The following USH2A variants were observed in gnomAD, a reference collection of about 807,000 sequenced individuals.
USH2A encodes Usher syndrome 2A (autosomal recessive, mild).
In USH2A, 443 loss-of-function variants were observed where a neutral mutation model predicts 538.9. That is an observed-to-expected ratio of 0.82 (90% CI 0.76 to 0.89). The LOEUF is 0.89. USH2A is among the 40% of genes least tolerant of loss of function. The pLI is 0.00. For synonymous variants in USH2A, 2,413 were observed against 2,273.5 expected (o/e 1.06, Z -1.75); for missense variants, 6,633 against 6,324.8 (o/e 1.05, Z -1.65).
chr1:216,393,648 T>C (rs2039150969), intron 3 of USH2A, among the ~76,000 whole-genome samples: 1 of 152,118 alleles, frequency 6.6e-6, no homozygotes, highest in Admixed American at 6.6e-5. Flanking sequence ...AAAAAAAATA[T>C]TATGCAAGTC....
In USH2A at chr1:216,056,473, G is replaced by C. The variant is rs12746061; in HGVS notation, c.6050-7826C>G. On this transcript the variant is annotated intron_variant, in intron 30 of 71. Coordinates refer to ENST00000307340, the MANE Select transcript of USH2A (RefSeq NM_206933.4). The stretch of plus-strand genomic sequence containing the variant: ...AAGTCCAGACAGCTAAAAAGCAGTA[G>C]AGCCAATATTAGAACCTGTATTCTG... 6.0e-3 allele frequency among the ~76,000 whole-genome samples: 920 copies of C among 152,242 alleles called. 5 individuals carry two copies. Among genetic ancestry groups the C allele is most frequent in the Non-Finnish European group, 9.1e-3 (621 of 68,006 alleles).
chr1:216,199,491 T>G, intron 17 of USH2A, 136 bp downstream of exon 17: 1 of 1,316,710 alleles, frequency 7.6e-7, no homozygotes, highest in Non-Finnish European at 1.1e-6. Context: ...TCTTATATCT[T>G]TAGAAACTGT....
intron 11 of USH2A, among the ~76,000 whole-genome samples, chr1:216,283,111 T>C (rs536669488): frequency 6.6e-6 from 1 of 152,208 alleles, no homozygotes; most frequent in South Asian, 2.1e-4. Flanking sequence ...TTGTTAGATG[T>C]AGTCTCGTTC....
At position 215,782,131 on chromosome 1, in the gene USH2A, A is replaced by G. The variant is rs1661661322; in HGVS notation, c.10651T>C (p.Phe3551Leu). ...GGTTGAATTCCCTCTTTATCAGAGAAGCTCAGTGATGTTCCCCGAAAACGT... is the reference window on the plus strand; with the variant it reads ...GGTTGAATTCCCTCTTTATCAGAGAGGCTCAGTGATGTTCCCCGAAAACGT... Reference protein sequence around the residue: ...IERFRGTSLSFSDKEGIQPFQ... With the variant: ...IERFRGTSLSLSDKEGIQPFQ... The change falls in exon 54 of 72, where the codon TTC becomes CTC. Residue 3551 changes from phenylalanine (F) to leucine (L), a missense_variant. By Grantham distance (22) the Phe-to-Leu change is conservative. Coordinates refer to ENST00000307340, the MANE Select transcript of USH2A (RefSeq NM_206933.4). 1.2e-6 allele frequency: 2 copies of G among 1,613,900 alleles called. No individual in the cohort carries two copies. The highest frequency in any genetic ancestry group is 2.7e-5 in the African/African-American group (2 of 74,922).
At chr1:215,815,553 A>C (rs1558111141) in intron 48 of USH2A, among the ~76,000 whole-genome samples, 1 of 152,056 alleles carries the variant, frequency 6.6e-6, no homozygotes, top group Non-Finnish European at 1.5e-5. Flanking sequence ...AAATTTTTAA[A>C]AGTTACAAAA....
chr1:215,865,523 G>A (rs1220460771), intron 44 of USH2A, among the ~76,000 whole-genome samples: 1 of 152,142 alleles, frequency 6.6e-6, no homozygotes, highest in East Asian at 1.9e-4. Flanking sequence ...ACCTTTATGA[G>A]TAGGCTTTTA....
chr1:216,157,576 C>A lies in USH2A; in HGVS notation c.4627+17676G>T, dbSNP rs533049685. ...ACACAGAATCAATCTAGGTGCCCAT[C>A]AATGATGGACTGGATAAAGAAAATG... On this transcript the variant is annotated intron_variant, in intron 21 of 71. Coordinates refer to ENST00000307340, the MANE Select transcript of USH2A (RefSeq NM_206933.4). 1.6e-3 allele frequency among the ~76,000 whole-genome samples: 237 copies of A among 152,250 alleles called. 1 individual carries two copies. The highest frequency in any genetic ancestry group is 5.4e-3 in the African/African-American group (225 of 41,534).
intron 3 of USH2A, among the ~76,000 whole-genome samples, chr1:216,365,822 A>C (rs746805603): frequency 6.6e-6 from 1 of 152,174 alleles, no homozygotes; most frequent in Non-Finnish European, 1.5e-5. Flanking sequence ...ATATAAACAA[A>C]TGGGCATGGC....
In USH2A at chr1:215,889,480, A is replaced by T. The variant is rs145792708; in HGVS notation, c.7595-426T>A. Among the ~76,000 whole-genome samples, 824 of 152,320 alleles carry T rather than the reference A, an allele frequency of 5.4e-3. 4 individuals carry two copies. Among genetic ancestry groups the T allele is most frequent in the Middle Eastern group, 0.017 (5 of 294 alleles). On this transcript the variant is annotated intron_variant, in intron 40 of 71. Transcript: ENST00000307340. ...CTATCATAACAAACTTGCATATTTT[A>T]CAGCCCAGTAAAATCCTTCAGCATC...
intron 64 of USH2A, among the ~76,000 whole-genome samples, chr1:215,654,853 T>A (rs1343094899): frequency 6.6e-6 from 1 of 152,224 alleles, no homozygotes; most frequent in Non-Finnish European, 1.5e-5. Flanking sequence ...ATGAAATTGT[T>A]CTTTTATTTA....
chr1:216,084,570 G>T, intron 25 of USH2A, 128 bp downstream of exon 25: 1 of 942,466 alleles, frequency 1.1e-6, no homozygotes, highest in Non-Finnish European at 1.6e-6. Context: ...TGCACCATTG[G>T]AATAACTAAG....
At chr1:216,173,215 A>G (rs1282295613) in intron 21 of USH2A, among the ~76,000 whole-genome samples, 6 of 152,192 alleles carry the variant, frequency 3.9e-5, no homozygotes, top group Admixed American at 3.3e-4. Flanking sequence ...AATTGGGTAC[A>G]TTTAGTTAGG....
chr1:215,925,786 T>C (rs1666224170), intron 38 of USH2A, among the ~76,000 whole-genome samples: 2 of 152,210 alleles, frequency 1.3e-5, no homozygotes, highest in South Asian at 2.1e-4. Context: ...TTTCTATTTA[T>C]ATATTTCAAA....
At chr1:216,031,084 T>C (rs1351185315) in intron 32 of USH2A, among the ~76,000 whole-genome samples, 4 of 152,046 alleles carry the variant, frequency 2.6e-5, no homozygotes, top group Non-Finnish European at 2.9e-5. Flanking sequence ...GCTTTAGAGA[T>C]TTTAATCCCT....
intron 16 of USH2A, chr1:216,201,764 G>A (rs2035006388): frequency 4.3e-6 from 1 of 230,400 alleles, no homozygotes; most frequent in African/African-American, 2.3e-5. Context: ...AGCCGAGGAA[G>A]GTGAGACAGT....
chr1:216,059,977 G>A (rs766814422), intron 30 of USH2A, among the ~76,000 whole-genome samples: 11 of 152,282 alleles, frequency 7.2e-5, no homozygotes, highest in Non-Finnish European at 1.3e-4. Context: ...AAGTTCAGGA[G>A]TCCTACTGGG....
In USH2A at chr1:215,878,765, T is replaced by A. The variant is rs749452910; in HGVS notation, c.8557A>T (p.Arg2853Ter). The change falls in exon 42 of 72, where the codon AGA becomes TGA. Residue 2853 changes from arginine to a stop codon, truncating the protein, a stop_gained and splice_region_variant. Transcript: ENST00000307340. LOFTEE classifies it high-confidence loss of function. The part of the protein sequence containing the change: ...PPSKPNGPNL[R>*]YELLRRKIQQ... ...AAAATCATAGTCACCTTCTCTTACC[T>A]CAAATTAGGTCCATTTGGCTTGGAT... The A allele has an allele frequency of 4.3e-6, 7 of 1,613,722 alleles. No individual in the cohort carries two copies. The highest frequency in any genetic ancestry group is 5.9e-6 in the Non-Finnish European group (7 of 1,179,868).
chr1:215,847,888 A>G (rs1663907951), intron 44 of USH2A, among the ~76,000 whole-genome samples: 1 of 152,150 alleles, frequency 6.6e-6, no homozygotes, highest in African/African-American at 2.4e-5. Context: ...TTTTTCCTAA[A>G]TACACTACTG....
At chr1:215,716,366 T>TTTC (rs1176025911) in intron 61 of USH2A, among the ~76,000 whole-genome samples, 1 of 152,222 alleles carries the variant, frequency 6.6e-6, no homozygotes, top group Non-Finnish European at 1.5e-5. Context: ...TTCAGTCCAC[T>TTTC]TATAGAAACC....
Sources: allele counts gnomAD v4.1 joint callset (sites outside exome capture counted in the v4.1 genomes callset), GRCh38; gene constraint gnomAD v4.1.1; transcripts MANE v1.5; gene names NCBI Gene and HGNC (gene_info 2026-07-23, HGNC 2026-07-21).